The following TRIM45 variants were observed in gnomAD, a reference collection of about 807,000 sequenced individuals.
TRIM45 encodes tripartite motif containing 45, also known as E3 ubiquitin-protein ligase TRIM45.
Under a neutral mutation model 46.7 loss-of-function variants are expected in TRIM45, and 45 were observed. The observed-to-expected ratio is 0.96, with a 90% CI of 0.76 to 1.24. The LOEUF is 1.24. Among genes scored for constraint, TRIM45 ranks in the 50% most tolerant of loss-of-function variants. The pLI is 0.00. For synonymous variants in TRIM45, 259 were observed against 285.8 expected (o/e 0.91, Z 0.94); for missense variants, 680 against 728.4 (o/e 0.93, Z 0.77).
chr1:117,118,773 G>A lies in TRIM45; in HGVS notation c.489-6C>T, dbSNP rs1467603014. 6.2e-7 allele frequency: 1 copy of A among 1,607,748 alleles called. No homozygotes were observed. The highest frequency in any genetic ancestry group is 8.5e-7 in the Non-Finnish European group (1 of 1,176,342). ...AAGTCGTTTTCTTCTGCCGCCTAGG[G>A]GCAAACAGAATCAGTAACAGGAAAT... On this transcript the variant is annotated splice_region_variant and splice_polypyrimidine_tract_variant and intron_variant, in intron 1 of 5. Transcript: ENST00000256649. This position sits in a 1 kb window ranked among gnomAD's most constrained non-coding sequence, Gnocchi z 5.7.
Position 117,121,186 on chromosome 1 carries a change from T to G in TRIM45, c.16A>C (p.Lys6Gln). Residue 6 changes from lysine to glutamine, a missense_variant, in exon 1 of 6, where the codon AAA becomes CAA. Lys to Gln is a moderately conservative substitution (Grantham distance 53, BLOSUM62 1). This residue lies in a region of TRIM45 where 349 missense variants were observed against 343.6 expected (regional missense o/e 1.02). Transcript: ENST00000256649. The surrounding 1 kb of genome is among the most constrained non-coding windows in gnomAD (Gnocchi z 4.2). Reference sequence around the variant, plus strand: ...TTGCTTACAAAGCCCAGCAGCGGTTTTCTGTTTTCTGACATACTCCTCACG... The same window carrying G: ...TTGCTTACAAAGCCCAGCAGCGGTTGTCTGTTTTCTGACATACTCCTCACG... MSENR[K>Q]PLLGFVSKLT... 1 of 1,557,056 alleles carries G rather than the reference T, an allele frequency of 6.4e-7. No individual in the cohort carries two copies. Among genetic ancestry groups the G allele is most frequent in the Non-Finnish European group, 8.6e-7 (1 of 1,156,130 alleles).
chr1:117,121,790 TCCAA>T (rs765772357), upstream of TRIM45: 2 of 706,798 alleles, frequency 2.8e-6, no homozygotes, highest in South Asian at 3.0e-5. This position sits in a 1 kb window ranked among gnomAD's most constrained non-coding sequence, Gnocchi z 4.2. Flanking sequence ...CTCCGGCGAG[TCCAA>T]TCACCGTCCG....
chr1:117,121,585 C>T lies in TRIM45; in HGVS notation c.-384G>A, dbSNP rs1650635896. 2.2e-6 allele frequency: 1 copy of T among 453,888 alleles called. No homozygotes were observed. The highest frequency in any genetic ancestry group is 3.9e-6 in the Non-Finnish European group (1 of 255,974). 28.1% of individuals were successfully genotyped at this position (453,888 alleles called of 1,614,324 possible). ...GCCGCCCGCCCCACTGCGCGCCACA[C>T]GCGACAAGCGCCGACCCCACCCGCG... On this transcript the variant is annotated 5_prime_UTR_variant, in exon 1 of 6. In the 5' UTR this introduces an upstream ATG that the reference lacks. Coordinates refer to ENST00000256649, the MANE Select transcript of TRIM45 (RefSeq NM_025188.4). This position sits in a 1 kb window ranked among gnomAD's most constrained non-coding sequence, Gnocchi z 4.2.
intron 1 of TRIM45, among the ~76,000 whole-genome samples, chr1:117,119,930 A>T (rs1450089249): frequency 3.9e-5 from 6 of 152,224 alleles, no homozygotes; most frequent in African/African-American, 1.4e-4. Context: ...GCCAGAAAAC[A>T]AATGGAAGTA....
chr1:117,112,866 C>T (rs1428719368), intron 5 of TRIM45, among the ~76,000 whole-genome samples: 1 of 152,038 alleles, frequency 6.6e-6, no homozygotes, highest in Admixed American at 6.6e-5. Flanking sequence ...ATTTTATGGC[C>T]CATTATTAGA....
rs148349522 is a variant in TRIM45, at chr1:117,119,088, C to T, written c.489-321G>A. Among the ~76,000 whole-genome samples, 414 of 152,346 alleles carry T rather than the reference C, an allele frequency of 2.7e-3. 3 individuals carry two copies. Among genetic ancestry groups the T allele is most frequent in the African/African-American group, 9.6e-3 (399 of 41,574 alleles). On this transcript the variant is annotated intron_variant, in intron 1 of 5. Coordinates refer to ENST00000256649, the MANE Select transcript of TRIM45 (RefSeq NM_025188.4). ...AAAGAGTTTAGACAAGAGTCACAGT[C>T]GGCTTCCTAAGGTAAGCTAGCAGTG...
At position 117,120,718 on chromosome 1, in the gene TRIM45, G is replaced by A. The variant is rs1317390538; in HGVS notation, c.484C>T (p.His162Tyr). The A allele has an allele frequency of 1.9e-6, 3 of 1,602,678 alleles. No homozygotes were observed. The highest frequency in any genetic ancestry group is 1.7e-5 in the Admixed American group (1 of 59,444). ...ANLCHFCCQAHRRQKKTTYHT... is the reference protein window; with the variant it reads ...ANLCHFCCQAYRRQKKTTYHT... ...GATGGAGTGTCCCATCTTTACCTAT[G>A]AGCCTGGCAGCAGAAGTGGCAGAGG... The change falls in exon 1 of 6, where the codon CAT (histidine) becomes TAT (tyrosine). Residue 162 changes from histidine (H) to tyrosine (Y), a missense_variant. His to Tyr is a moderately conservative substitution (Grantham distance 83, BLOSUM62 2). Transcript: ENST00000256649.
upstream of TRIM45, among the ~76,000 whole-genome samples, chr1:117,123,878 G>T (rs746407856): frequency 6.6e-6 from 1 of 152,042 alleles, no homozygotes; most frequent in Non-Finnish European, 1.5e-5. Flanking sequence ...TGATCCACCC[G>T]CCTCGGCCTC....
Position 117,120,718 on chromosome 1 carries a change from GAGCCTGGCAGCAGA to G in TRIM45, c.470_483del (p.Phe157SerfsTer2). 6.2e-7 allele frequency: 1 copy of G among 1,602,798 alleles called. No individual in the cohort carries two copies. Among genetic ancestry groups the G allele is most frequent in the Non-Finnish European group, 8.5e-7 (1 of 1,173,502 alleles). ...GATGGAGTGTCCCATCTTTACCTAT[GAGCCTGGCAGCAGA>G]AGTGGCAGAGGTTGGCTTTGCAGGT... On this transcript the variant is annotated frameshift_variant, in exon 1 of 6. Coordinates refer to ENST00000256649, the MANE Select transcript of TRIM45 (RefSeq NM_025188.4). LOFTEE classifies it high-confidence loss of function.
At position 117,117,512 on chromosome 1, in the gene TRIM45, A is replaced by G. The variant is rs559184522; in HGVS notation, c.1222+522T>C. Among the ~76,000 whole-genome samples, 8 of 152,332 alleles carry G rather than the reference A, an allele frequency of 5.3e-5. No homozygotes were observed. The East Asian group carries it at 1.4e-3, about 26-fold the overall frequency. On this transcript the variant is annotated intron_variant, in intron 2 of 5. Coordinates refer to ENST00000256649, the MANE Select transcript of TRIM45 (RefSeq NM_025188.4). The surrounding 1 kb of genome is among the most constrained non-coding windows in gnomAD (Gnocchi z 4.9). ...AGAAAGGGAACACTCGTTAAAAAAA[A>G]CCATTTTTTCCCCCAATTAAATGAA...
chr1:117,121,398 G>A lies in TRIM45; in HGVS notation c.-197C>T, dbSNP rs1002720917. The A allele has an allele frequency of 4.3e-5, 26 of 610,576 alleles. No individual in the cohort carries two copies. The highest frequency in any genetic ancestry group is 4.1e-4 in the African/African-American group (22 of 54,188). The allele number at this position is 610,576 out of a possible 1,614,324, so 37.8% of individuals were successfully genotyped here. A position where few individuals can be genotyped will look rare whatever the true frequency, so the allele number is the denominator to read the frequency against. On this transcript the variant is annotated 5_prime_UTR_variant, in exon 1 of 6. Transcript: ENST00000256649. The surrounding 1 kb of genome is among the most constrained non-coding windows in gnomAD (Gnocchi z 4.2). ...AATCACCCACAGATCTACTCAGGAGGGCCCCCTCCTTTCCACTGCATCCCA... is the reference window on the plus strand; with the variant it reads ...AATCACCCACAGATCTACTCAGGAGAGCCCCCTCCTTTCCACTGCATCCCA...
rs201840024 is a variant in TRIM45 at position 117,116,653 on chromosome 1, C to T, written c.1315G>A (p.Val439Ile). The T allele has an allele frequency of 2.9e-4, 474 of 1,613,892 alleles. No individual in the cohort carries two copies. Among genetic ancestry groups the T allele is most frequent in the Non-Finnish European group, 3.9e-4 (455 of 1,180,000 alleles). ...GEIMGRGGDN[V>I]QVAVVPKDKK... ...TCTTTAGGGACAACGGCAACTTGAA[C>T]GTTGTCTCCTCCCCTGCCCATGATT... Residue 439 changes from valine to isoleucine, a missense_variant, in exon 3 of 6, where the codon GTT (valine) becomes ATT (isoleucine). By Grantham distance (29) the Val-to-Ile change is conservative. Coordinates refer to ENST00000256649, the MANE Select transcript of TRIM45 (RefSeq NM_025188.4). The surrounding 1 kb of genome is among the most constrained non-coding windows in gnomAD (Gnocchi z 4.6).
upstream of TRIM45, among the ~76,000 whole-genome samples, chr1:117,123,879 C>G (rs909350366): frequency 6.6e-6 from 1 of 152,194 alleles, no homozygotes; most frequent in Non-Finnish European, 1.5e-5. Flanking sequence ...GATCCACCCG[C>G]CTCGGCCTCC....
Position 117,116,774 on chromosome 1 carries a change from C to G in TRIM45, c.1223-29G>C, listed in dbSNP as rs762640253. ...AAAAAGATAAACACTCGGTCCTCACCTCGAATGTAAACTGCAGTGACTACA... is the reference window on the plus strand; with the variant it reads ...AAAAAGATAAACACTCGGTCCTCACGTCGAATGTAAACTGCAGTGACTACA... On this transcript the variant is annotated intron_variant, in intron 2 of 5. Coordinates refer to ENST00000256649, the MANE Select transcript of TRIM45 (RefSeq NM_025188.4). The surrounding 1 kb of genome is among the most constrained non-coding windows in gnomAD (Gnocchi z 4.6). 6 of 1,613,386 alleles carry G rather than the reference C, an allele frequency of 3.7e-6. No individual in the cohort carries two copies. Among genetic ancestry groups the G allele is most frequent in the Non-Finnish European group, 5.1e-6 (6 of 1,179,538 alleles).
At position 117,121,365 on chromosome 1, in the gene TRIM45, C is replaced by G. The variant is rs902688527; in HGVS notation, c.-164G>C. The stretch of plus-strand genomic sequence containing the variant: ...AGGGCAGACGGGAAGACGAGGCGTC[C>G]TCGAAGGAATCACCCACAGATCTAC... On this transcript the variant is annotated 5_prime_UTR_variant, in exon 1 of 6. Transcript: ENST00000256649. The surrounding 1 kb of genome is among the most constrained non-coding windows in gnomAD (Gnocchi z 4.2). 13 of 787,362 alleles carry G rather than the reference C, an allele frequency of 1.7e-5. No individual in the cohort carries two copies. The highest frequency in any genetic ancestry group is 2.9e-5 in the Admixed American group (1 of 34,504). 48.8% of individuals were successfully genotyped at this position (787,362 alleles called of 1,614,324 possible). A position where few individuals can be genotyped will look rare whatever the true frequency, so the allele number is the denominator to read the frequency against.
At position 117,118,584 on chromosome 1, in the gene TRIM45, A is replaced by G. The variant is rs761307879; in HGVS notation, c.672T>C (p.Cys224=). 6.2e-7 allele frequency: 1 copy of G among 1,614,038 alleles called. No homozygotes were observed. Among genetic ancestry groups the G allele is most frequent in the South Asian group, 1.1e-5 (1 of 91,082 alleles). The change falls in exon 2 of 6, where the codon TGT becomes TGC. Residue 224 remains cysteine (C), a synonymous_variant. Transcript: ENST00000256649. The surrounding 1 kb of genome is among the most constrained non-coding windows in gnomAD (Gnocchi z 5.7). ...CVVGEHREHP[C]DFTSNVIHKH... ...TGTGGATGACATTGCTGGTGAAGTC[A>G]CAGGGGTGTTCCCGATGCTCCCCCA...
chr1:117,112,326 T>G lies in TRIM45; in HGVS notation c.1722A>C (p.Leu574=). The G allele has an allele frequency of 1.2e-6, 2 of 1,612,312 alleles. No individual in the cohort carries two copies. The highest frequency in any genetic ancestry group is 2.2e-5 in the South Asian group (2 of 90,760). The change falls in exon 6 of 6, where the codon CTA becomes CTC. Residue 574 remains leucine (L), a synonymous_variant. Transcript: ENST00000256649. ...CCCATCAGAGAGCCACAGTCCTAAGTAGACTCCTCGGTGCGCTCTGCCCAC... is the reference window on the plus strand; with the variant it reads ...CCCATCAGAGAGCCACAGTCCTAAGGAGACTCCTCGGTGCGCTCTGCCCAC... ...WTGGQSAPRS[L]LRTVAL is the part of the protein sequence containing the mutation.
rs754263666 is a variant in TRIM45, at chr1:117,118,479, G to C, written c.777C>G (p.Ile259Met). Residue 259 changes from isoleucine (I) to methionine (M), a missense_variant, in exon 2 of 6, where the codon ATC becomes ATG. Ile to Met is a conservative substitution (Grantham distance 10). Around this residue, in one of 3 missense-constraint regions of TRIM45, gnomAD observed 349 missense variants for 343.6 expected, o/e 1.02. Coordinates refer to ENST00000256649, the MANE Select transcript of TRIM45 (RefSeq NM_025188.4). The surrounding 1 kb of genome is among the most constrained non-coding windows in gnomAD (Gnocchi z 5.7). ...TCTGGAGGGCACTGTTTATTATGTGGATCTGAGCCAGGGCTTCCTCCAGGG... is the reference window on the plus strand; with the variant it reads ...TCTGGAGGGCACTGTTTATTATGTGCATCTGAGCCAGGGCTTCCTCCAGGG... ...VEALEEALAQIHIINSALQKR... is the reference protein window; with the variant it reads ...VEALEEALAQMHIINSALQKR... 3.1e-6 allele frequency: 5 copies of C among 1,613,984 alleles called. No individual in the cohort carries two copies. In the South Asian group the frequency reaches 4.4e-5, roughly 14 times the overall value.
chr1:117,115,559 C>T lies in TRIM45; in HGVS notation c.1467+16G>A, dbSNP rs371630123. ...AGAATCCAGGGAGCTCAGGGAAGCA[C>T]GTGCACCAGTCTTACCTGCACATGC... On this transcript the variant is annotated intron_variant, in intron 4 of 5. Coordinates refer to ENST00000256649, the MANE Select transcript of TRIM45 (RefSeq NM_025188.4). This position sits in a 1 kb window ranked among gnomAD's most constrained non-coding sequence, Gnocchi z 4.2. The T allele has an allele frequency of 2.2e-5, 34 of 1,577,900 alleles. No homozygotes were observed. Among genetic ancestry groups the T allele is most frequent in the African/African-American group, 4.0e-5 (3 of 74,262 alleles).
Sources: gnomAD v4.1 joint callset for allele counts (sites outside exome capture counted in the v4.1 genomes callset) on GRCh38, gnomAD v4.1.1 for gene constraint, gnomAD v4.1.1 regional missense constraint, Gnocchi (gnomAD v3.1) non-coding constraint, MANE v1.5 for transcripts, NCBI Gene and HGNC (gene_info 2026-07-23, HGNC 2026-07-21) for gene names.